The following CDH18 variants were observed in gnomAD, a reference collection of about 807,000 sequenced individuals.
CDH18 encodes the protein cadherin 18, also known as cadherin-18.
In CDH18, 31 loss-of-function variants were observed where a neutral mutation model predicts 67.9. The observed-to-expected ratio is 0.46, with a 90% CI of 0.34 to 0.62. The LOEUF is 0.62. Among genes scored for constraint, CDH18 ranks in the 20% least tolerant of loss-of-function variants. The probability of loss-of-function intolerance (pLI) is 0.01; values close to 1 mark genes in which losing one functional copy is unlikely to be tolerated. For synonymous variants in CDH18, 362 were observed against 347.2 expected (o/e 1.04, Z -0.48); for missense variants, 890 against 975.5 (o/e 0.91, Z 1.17).
chr5:19,999,999 T>C (rs954214886), intron 2 of CDH18, among the ~76,000 whole-genome samples: 1 of 152,210 alleles, frequency 6.6e-6, no homozygotes, highest in Non-Finnish European at 1.5e-5. Flanking sequence ...CTTTTGTTAA[T>C]TAGGTATGTA....
At chr5:19,698,381 A>G in intron 5 of CDH18, among the ~76,000 whole-genome samples, 1 of 152,122 alleles carries the variant, frequency 6.6e-6, no homozygotes, top group Non-Finnish European at 1.5e-5. Context: ...GAATTATAAA[A>G]TCTATAAAAC....
intron 1 of CDH18, among the ~76,000 whole-genome samples, chr5:20,323,883 T>A (rs1458916073): frequency 6.6e-6 from 1 of 152,184 alleles, no homozygotes; most frequent in African/African-American, 2.4e-5. Flanking sequence ...GTGCTCGATG[T>A]CTTAATTCAC....
At chr5:20,333,536 C>A (rs1331752693) in intron 1 of CDH18, among the ~76,000 whole-genome samples, 1 of 143,312 alleles carries the variant, frequency 7.0e-6, no homozygotes, top group Non-Finnish European at 1.6e-5. Flanking sequence ...TATACACACA[C>A]ACACACACAC....
chr5:19,670,452 G>A, intron 5 of CDH18, among the ~76,000 whole-genome samples: 1 of 152,076 alleles, frequency 6.6e-6, no homozygotes, highest in East Asian at 1.9e-4. Context: ...CTGCACTGAG[G>A]CAAAGATTAG....
chr5:19,648,249 T>C (rs1755063330), intron 5 of CDH18, among the ~76,000 whole-genome samples: 1 of 152,018 alleles, frequency 6.6e-6, no homozygotes, highest in East Asian at 1.9e-4. Flanking sequence ...AAACCGTCTC[T>C]ACTAAAAATA....
chr5:19,944,630 T>C (rs956737067), intron 2 of CDH18, among the ~76,000 whole-genome samples: 2 of 152,210 alleles, frequency 1.3e-5, no homozygotes. Flanking sequence ...ATGAGCTACC[T>C]GTCTTATTAA....
chr5:19,812,585 G>A (rs1778848436), intron 3 of CDH18, among the ~76,000 whole-genome samples: 1 of 152,030 alleles, frequency 6.6e-6, no homozygotes, highest in Non-Finnish European at 1.5e-5. Flanking sequence ...GTCATTACAG[G>A]AGAACAAAAG....
chr5:20,047,792 A>G (rs1008062173), intron 2 of CDH18, among the ~76,000 whole-genome samples: 6 of 151,312 alleles, frequency 4.0e-5, no homozygotes, highest in African/African-American at 1.2e-4. Context: ...TTGGATTTAA[A>G]CTGCTTCCTA....
intron 2 of CDH18, among the ~76,000 whole-genome samples, chr5:20,106,650 G>C (rs1161351487): frequency 6.6e-6 from 1 of 152,290 alleles, no homozygotes; most frequent in African/African-American, 2.4e-5. Context: ...TACCTGCTGG[G>C]ATTGTGGTGG....
At chr5:20,318,965 G>A (rs1351909455) in intron 1 of CDH18, among the ~76,000 whole-genome samples, 1 of 151,924 alleles carries the variant, frequency 6.6e-6, no homozygotes, top group African/African-American at 2.4e-5. Flanking sequence ...TCCACCCATG[G>A]CATCCAGACC....
At chr5:20,548,770 T>G (rs1179557057) in intron 1 of CDH18, among the ~76,000 whole-genome samples, 1 of 152,166 alleles carries the variant, frequency 6.6e-6, no homozygotes, top group Non-Finnish European at 1.5e-5. Context: ...GTAGTCATTG[T>G]TCTGTCCAAT....
At chr5:19,755,120 C>G (rs1771353786) in intron 3 of CDH18, among the ~76,000 whole-genome samples, 1 of 150,516 alleles carries the variant, frequency 6.6e-6, no homozygotes, top group Non-Finnish European at 1.5e-5. Context: ...CAAGAACAAA[C>G]CAAACCCAAA....
chr5:19,550,863 A>C (rs1410859227), intron 8 of CDH18, among the ~76,000 whole-genome samples: 3 of 152,300 alleles, frequency 2.0e-5, no homozygotes, highest in African/African-American at 7.2e-5. Context: ...TGGTTGAACT[A>C]GTTTACATTC....
intron 1 of CDH18, among the ~76,000 whole-genome samples, chr5:20,319,958 C>A (rs143084465): frequency 2.3e-4 from 35 of 152,216 alleles, no homozygotes; most frequent in African/African-American, 8.4e-4. Context: ...CAAACTTAGT[C>A]TTTTGATATG....
chr5:20,057,572 A>G (rs1742104950), intron 2 of CDH18, among the ~76,000 whole-genome samples: 1 of 152,170 alleles, frequency 6.6e-6, no homozygotes, highest in Non-Finnish European at 1.5e-5. Flanking sequence ...GCTATCATGA[A>G]ATTTAGCTTC....
intron 1 of CDH18, among the ~76,000 whole-genome samples, chr5:20,390,715 T>C (rs1744771137): frequency 1.3e-5 from 2 of 152,142 alleles, no homozygotes; most frequent in African/African-American, 4.8e-5. Flanking sequence ...CTATTCACAA[T>C]AGCAAAGGCT....
intron 10 of CDH18, among the ~76,000 whole-genome samples, chr5:19,508,064 A>T (rs1395457670): frequency 6.6e-6 from 1 of 151,830 alleles, no homozygotes; most frequent in Non-Finnish European, 1.5e-5. Context: ...CTGAAAAAAA[A>T]AAAAGCTTCC....
At chr5:19,834,844 T>A (rs1019174347) in intron 3 of CDH18, among the ~76,000 whole-genome samples, 2 of 152,022 alleles carry the variant, frequency 1.3e-5, no homozygotes, top group Non-Finnish European at 2.9e-5. Context: ...AGTGAGTTTT[T>A]AAATTCTGAG....
chr5:20,142,835 G>A lies in CDH18; in HGVS notation c.-518+112609C>T, dbSNP rs182735344. Among the ~76,000 whole-genome samples, 26 of 152,250 alleles carry A rather than the reference G, an allele frequency of 1.7e-4. No individual in the cohort carries two copies. In the East Asian group the frequency reaches 5.0e-3, roughly 29 times the overall value. On this transcript the variant is annotated intron_variant, in intron 2 of 14. Coordinates refer to the CDH18 transcript ENST00000507958. ...CAACCATGCCAATATCTTGATCATG[G>A]ACTTCTAGCCTCCAGAACTGTGAAG...
Sources: gnomAD v4.1 joint callset for allele counts (sites outside exome capture counted in the v4.1 genomes callset) on GRCh38, gnomAD v4.1.1 for gene constraint, MANE v1.5 for transcripts, NCBI Gene and HGNC (gene_info 2026-07-23, HGNC 2026-07-21) for gene names.